The following FAM168A variants were observed in gnomAD, a reference collection of about 807,000 sequenced individuals.
FAM168A encodes the protein family with sequence similarity 168 member A, also known as protein FAM168A.
FAM168A carries 3 observed loss-of-function variants against 28.5 expected under a neutral mutation model. The observed-to-expected ratio is 0.11, with a 90% CI of 0.05 to 0.27. FAM168A has a LOEUF of 0.27. Ranked by LOEUF, FAM168A falls within the 10% of genes least tolerant of loss-of-function variation. FAM168A has a pLI of 1.00. For missense variants in FAM168A, 222 were observed against 311.5 expected, an observed-to-expected ratio of 0.71 and a Z score of 2.16; for synonymous variants, 122 against 124.2, an observed-to-expected ratio of 0.98 and a Z score of 0.12.
intron 1 of FAM168A, among the ~76,000 whole-genome samples, chr11:73,587,408 C>T (rs1198761792): frequency 6.6e-6 from 1 of 151,718 alleles, no homozygotes; most frequent in African/African-American, 2.4e-5. Context: ...AGGAGAATTG[C>T]TTGAACCCAG....
At chr11:73,496,348 A>G (rs903707933) in intron 1 of FAM168A, among the ~76,000 whole-genome samples, 1 of 152,222 alleles carries the variant, frequency 6.6e-6, no homozygotes, top group Non-Finnish European at 1.5e-5. Context: ...CGGATATATT[A>G]GGTTGGTGCA....
chr11:73,559,738 A>AT (rs1417899772), intron 1 of FAM168A, among the ~76,000 whole-genome samples: 2 of 152,232 alleles, frequency 1.3e-5, no homozygotes, highest in Admixed American at 1.3e-4. Flanking sequence ...CTGGGAGTGT[A>AT]TTAAATGCCA....
At chr11:73,511,029 G>A (rs982728535) in intron 1 of FAM168A, among the ~76,000 whole-genome samples, 1 of 152,046 alleles carries the variant, frequency 6.6e-6, no homozygotes, top group African/African-American at 2.4e-5. Flanking sequence ...AGGTCCCAAG[G>A]TCCCTTCCCA....
At chr11:73,474,998 G>A (rs1453655366) in intron 1 of FAM168A, among the ~76,000 whole-genome samples, 1 of 152,160 alleles carries the variant, frequency 6.6e-6, no homozygotes. Flanking sequence ...ATGTGAGAGA[G>A]AAAAGAGAGG....
intron 1 of FAM168A, among the ~76,000 whole-genome samples, chr11:73,528,884 G>A (rs939556103): frequency 6.6e-6 from 1 of 151,986 alleles, no homozygotes; most frequent in Middle Eastern, 3.2e-3. Context: ...ATAATTAAGT[G>A]GTCTACCTAA....
chr11:73,578,001 G>C lies in FAM168A; in HGVS notation c.-19+19922C>G, dbSNP rs76018232. On this transcript the variant is annotated intron_variant, in intron 1 of 7. Transcript: ENST00000356467. ...GCTCTAAGTGACAGAAATGCATTTT[G>C]GCACTCTGAACTCCTAAATGTACTC... 5.9e-3 allele frequency among the ~76,000 whole-genome samples: 894 copies of C among 152,256 alleles called. 8 individuals carry two copies. Among genetic ancestry groups the C allele is most frequent in the Middle Eastern group, 0.027 (8 of 294 alleles).
chr11:73,514,886 G>A (rs1733658409), intron 1 of FAM168A, among the ~76,000 whole-genome samples: 1 of 148,792 alleles, frequency 6.7e-6, no homozygotes, highest in Admixed American at 6.7e-5. Context: ...TCCATCACCT[G>A]TACACTACTA....
At chr11:73,530,832 T>A (rs956356123) in intron 1 of FAM168A, among the ~76,000 whole-genome samples, 1 of 152,162 alleles carries the variant, frequency 6.6e-6, no homozygotes, top group Non-Finnish European at 1.5e-5. Context: ...GCAGCCCCCA[T>A]ATTTTACAGA....
intron 4 of FAM168A, among the ~76,000 whole-genome samples, chr11:73,417,610 A>G (rs1053454591): frequency 2.3e-5 from 3 of 131,464 alleles, no homozygotes; most frequent in African/African-American, 8.9e-5. Context: ...CCCAGGCTGT[A>G]GTGCAATGGC....
At chr11:73,519,199 G>A (rs1024481688) in intron 1 of FAM168A, among the ~76,000 whole-genome samples, 8 of 152,124 alleles carry the variant, frequency 5.3e-5, no homozygotes, top group Admixed American at 5.2e-4. Flanking sequence ...TCCTCCCCTT[G>A]AATCTGGGTG....
intron 1 of FAM168A, among the ~76,000 whole-genome samples, chr11:73,532,801 CAG>C (rs1388915882): frequency 1.3e-5 from 2 of 152,222 alleles, no homozygotes; most frequent in Non-Finnish European, 2.9e-5. Flanking sequence ...GCACCGCAAT[CAG>C]AGAGCAGGAG....
chr11:73,547,619 T>C (rs1023020045), intron 1 of FAM168A, among the ~76,000 whole-genome samples: 1 of 152,106 alleles, frequency 6.6e-6, no homozygotes, highest in Non-Finnish European at 1.5e-5. Context: ...ACTATTATCA[T>C]GCCTGTGAAT....
chr11:73,519,817 CAT>C (rs1419179055), intron 1 of FAM168A, among the ~76,000 whole-genome samples: 1 of 150,842 alleles, frequency 6.6e-6, no homozygotes, highest in Non-Finnish European at 1.5e-5. Context: ...TGTGTGTATA[CAT>C]ATATATATGT....
At chr11:73,584,670 G>A (rs1169042315) in intron 1 of FAM168A, among the ~76,000 whole-genome samples, 1 of 151,428 alleles carries the variant, frequency 6.6e-6, no homozygotes, top group Non-Finnish European at 1.5e-5. Context: ...GTAGAGACAG[G>A]GTTTCACCGT....
At chr11:73,565,323 A>G (rs1944009148) in intron 1 of FAM168A, among the ~76,000 whole-genome samples, 1 of 152,248 alleles carries the variant, frequency 6.6e-6, no homozygotes, top group Non-Finnish European at 1.5e-5. Flanking sequence ...CAAACAGAAA[A>G]GTACCAAACA....
At chr11:73,451,958 T>G (rs924172419) in intron 2 of FAM168A, 1 of 152,250 alleles carries the variant, frequency 6.6e-6, no homozygotes, top group South Asian at 2.1e-4. Context: ...AGTCCTCTCA[T>G]CTTTCTTGAT....
chr11:73,430,396 A>G, intron 3 of FAM168A: 1 of 343,424 alleles, frequency 2.9e-6, no homozygotes, highest in Admixed American at 4.3e-5. Context: ...GAATTTGGAC[A>G]TTGCTTGGGA....
intron 1 of FAM168A, among the ~76,000 whole-genome samples, chr11:73,579,531 G>A (rs904506298): frequency 6.6e-6 from 1 of 152,152 alleles, no homozygotes; most frequent in Non-Finnish European, 1.5e-5. Context: ...ACTGGAAGAA[G>A]GAGGTAAAAT....
At chr11:73,414,551 C>T (rs1034714184) in intron 4 of FAM168A, among the ~76,000 whole-genome samples, 3 of 152,158 alleles carry the variant, frequency 2.0e-5, no homozygotes, top group Non-Finnish European at 4.4e-5. Flanking sequence ...GGTCCAAACC[C>T]CCAGCTCTGA....
Sources: gnomAD v4.1 joint callset for allele counts (sites outside exome capture counted in the v4.1 genomes callset) on GRCh38, gnomAD v4.1.1 for gene constraint, MANE v1.5 for transcripts, NCBI Gene and HGNC (gene_info 2026-07-23, HGNC 2026-07-21) for gene names.